Variants in ANO10 observed in about 807,000 individuals in gnomAD.
ANO10 encodes the protein anoctamin 10.
ANO10 carries 77 observed loss-of-function variants against 74.7 expected under a neutral mutation model. The observed-to-expected ratio is 1.03, with a 90% CI of 0.86 to 1.25. The LOEUF (loss-of-function observed/expected upper bound fraction) is 1.25. ANO10 is among the 50% of genes most tolerant of loss of function. The pLI is 0.00. For synonymous variants in ANO10, 279 were observed against 284.9 expected (o/e 0.98, Z 0.21); for missense variants, 721 against 778.1 (o/e 0.93, Z 0.87).
chr3:43,659,575 G>A (rs1215848032), intron 1 of ANO10, among the ~76,000 whole-genome samples: 1 of 152,228 alleles, frequency 6.6e-6, no homozygotes, highest in African/African-American at 2.4e-5. Flanking sequence ...TGGTAGGGAA[G>A]CTGGAACTGG....
At chr3:43,555,659 T>C (rs2149328438) in intron 9 of ANO10, among the ~76,000 whole-genome samples, 190 bp from the exon 10 acceptor site, 1 of 152,320 alleles carries the variant, frequency 6.6e-6, no homozygotes, top group East Asian at 1.9e-4. Context: ...GCAATAATAA[T>C]TTCAGTTTAA....
intron 1 of ANO10, among the ~76,000 whole-genome samples, chr3:43,679,201 G>C (rs1293561783): frequency 2.0e-5 from 3 of 152,184 alleles, no homozygotes; most frequent in Admixed American, 6.5e-5. Flanking sequence ...TCAAAGAAAG[G>C]GGTGACAGAT....
At chr3:43,589,279 C>T (rs2081616211) in intron 4 of ANO10, among the ~76,000 whole-genome samples, 2 of 144,926 alleles carry the variant, frequency 1.4e-5, no homozygotes, top group African/African-American at 2.5e-5. Context: ...TCATTATACA[C>T]AAAAACTTCT....
intron 1 of ANO10, among the ~76,000 whole-genome samples, chr3:43,619,619 G>C (rs892743248): frequency 1.3e-5 from 2 of 152,042 alleles, no homozygotes; most frequent in Non-Finnish European, 2.9e-5. Flanking sequence ...GGAGTCCATG[G>C]GGGGTGGATC....
intron 1 of ANO10, among the ~76,000 whole-genome samples, chr3:43,644,390 G>T (rs1243640467): frequency 6.6e-6 from 1 of 152,158 alleles, no homozygotes; most frequent in Non-Finnish European, 1.5e-5. Flanking sequence ...GCAAACATGG[G>T]GGTGGGAGGG....
intron 10 of ANO10, chr3:43,551,429 A>G (rs2079453276): frequency 2.2e-6 from 1 of 449,634 alleles, no homozygotes. Flanking sequence ...AACTGCATGC[A>G]TTTAAGGTAT....
chr3:43,675,072 T>C (rs1332698911), intron 1 of ANO10, among the ~76,000 whole-genome samples: 1 of 151,974 alleles, frequency 6.6e-6, no homozygotes, highest in Non-Finnish European at 1.5e-5. Context: ...ACATCTCACA[T>C]ACTAAATAAG....
chr3:43,496,918 T>C (rs1312328295), intron 11 of ANO10, among the ~76,000 whole-genome samples: 1 of 152,200 alleles, frequency 6.6e-6, no homozygotes, highest in Non-Finnish European at 1.5e-5. Flanking sequence ...CTGTTCCTGA[T>C]GATGCACAGT....
At chr3:43,556,200 G>C (rs1344263609) in intron 9 of ANO10, among the ~76,000 whole-genome samples, 1 of 152,166 alleles carries the variant, frequency 6.6e-6, no homozygotes, top group Non-Finnish European at 1.5e-5. Flanking sequence ...GTTGGGAAAA[G>C]AGTAAAAATC....
intron 12 of ANO10, among the ~76,000 whole-genome samples, chr3:43,392,740 A>G (rs2092301427): frequency 6.6e-6 from 1 of 151,708 alleles, no homozygotes; most frequent in South Asian, 2.1e-4. Context: ...ATCCCTGCTC[A>G]CTCTTCAGTC....
chr3:43,688,472 T>C (rs1048162168), intron 1 of ANO10, among the ~76,000 whole-genome samples: 16 of 152,236 alleles, frequency 1.1e-4, no homozygotes, highest in South Asian at 4.1e-4. Flanking sequence ...ACCCCAGTTT[T>C]GGGAAGGCCT....
At chr3:43,377,995 C>G (rs1379792548) in intron 12 of ANO10, among the ~76,000 whole-genome samples, 2 of 152,102 alleles carry the variant, frequency 1.3e-5, no homozygotes, top group Admixed American at 6.5e-5. Context: ...CACTGCAGTC[C>G]CGACTCATGG....
chr3:43,451,213 C>T (rs1193293899), intron 11 of ANO10, among the ~76,000 whole-genome samples: 1 of 152,170 alleles, frequency 6.6e-6, no homozygotes, highest in Non-Finnish European at 1.5e-5. Flanking sequence ...CCCATCAGAA[C>T]TGAAGGAATT....
intron 11 of ANO10, among the ~76,000 whole-genome samples, chr3:43,452,234 A>G (rs751359139): frequency 6.6e-6 from 1 of 152,218 alleles, no homozygotes; most frequent in African/African-American, 2.4e-5. Context: ...TATATAATTC[A>G]ATACCTTCTA....
At chr3:43,396,346 GTTTT>G (rs112983708) in intron 12 of ANO10, among the ~76,000 whole-genome samples, 3 of 148,534 alleles carry the variant, frequency 2.0e-5, no homozygotes, top group African/African-American at 7.4e-5. Flanking sequence ...GTTTGATAAG[GTTTT>G]TTTTTTGAGA....
At chr3:43,462,386 C>T (rs2075417899) in intron 11 of ANO10, among the ~76,000 whole-genome samples, 1 of 152,128 alleles carries the variant, frequency 6.6e-6, no homozygotes. Flanking sequence ...CCCACCACCA[C>T]ACCTGGCTAA....
chr3:43,601,975 G>A (rs185790734), intron 2 of ANO10, among the ~76,000 whole-genome samples: 65 of 152,298 alleles, frequency 4.3e-4, no homozygotes, highest in Admixed American at 1.8e-3. Flanking sequence ...CATCAGCTGG[G>A]CACGGAGGGG....
chr3:43,404,875 T>C (rs1467945417), intron 12 of ANO10, among the ~76,000 whole-genome samples: 44 of 28,392 alleles, frequency 1.5e-3, no homozygotes, highest in African/African-American at 3.0e-3. Context: ...AGAACCTGTC[T>C]CAAAAAAAAA....
intron 1 of ANO10, among the ~76,000 whole-genome samples, chr3:43,685,358 A>G (rs1164256133): frequency 1.3e-5 from 2 of 152,192 alleles, no homozygotes; most frequent in African/African-American, 4.8e-5. Context: ...GAGTACTTCC[A>G]TATTAGTATA....
Sources: allele counts gnomAD v4.1 joint callset (sites outside exome capture counted in the v4.1 genomes callset), GRCh38; gene constraint gnomAD v4.1.1; transcripts MANE v1.5; gene names NCBI Gene and HGNC (gene_info 2026-07-23, HGNC 2026-07-21).